MGMT: variants seen among roughly 807,000 people sequenced by gnomAD.
MGMT encodes the protein methylated-DNA--protein-cysteine methyltransferase.
In MGMT, 14 loss-of-function variants were observed where a neutral mutation model predicts 15.9. The observed-to-expected ratio is 0.88, with a 90% CI of 0.58 to 1.37. The LOEUF is 1.37. MGMT is among the 40% of genes most tolerant of loss of function. MGMT has a pLI of 0.00. For missense variants in MGMT, 282 were observed against 268.1 expected, an observed-to-expected ratio of 1.05 and a Z score of -0.36; for synonymous variants, 130 against 118.2, an observed-to-expected ratio of 1.10 and a Z score of -0.65.
At chr10:129,702,434 T>C (rs937183250) in intron 2 of MGMT, among the ~76,000 whole-genome samples, 3 of 152,188 alleles carry the variant, frequency 2.0e-5, no homozygotes, top group Non-Finnish European at 4.4e-5. Flanking sequence ...GATTATTCTG[T>C]GGGTGACACG....
chr10:129,661,241 G>A (rs1847594078), intron 2 of MGMT, among the ~76,000 whole-genome samples: 1 of 151,212 alleles, frequency 6.6e-6, no homozygotes, highest in African/African-American at 2.4e-5. Context: ...ATGGTGTTAT[G>A]AACATTTGTG....
chr10:129,731,912 T>C (rs75207538), intron 3 of MGMT, among the ~76,000 whole-genome samples: 2,383 of 152,248 alleles, frequency 0.016, 60 homozygotes, highest in African/African-American at 0.055. Context: ...TCCGTTGTGT[T>C]GTCACATCAC....
At chr10:129,655,794 C>T (rs1847518735) in intron 2 of MGMT, among the ~76,000 whole-genome samples, 1 of 152,204 alleles carries the variant, frequency 6.6e-6, no homozygotes, top group African/African-American at 2.4e-5. Context: ...TCTTCATGCT[C>T]ATGCTCTCTA....
At chr10:129,734,172 T>C (rs1009706653) in intron 3 of MGMT, among the ~76,000 whole-genome samples, 8 of 149,564 alleles carry the variant, frequency 5.3e-5, no homozygotes, top group Middle Eastern at 3.5e-3. Flanking sequence ...TTTCACGATA[T>C]TGATTCTTCC....
chr10:129,628,182 C>T (rs1289488042), intron 2 of MGMT, among the ~76,000 whole-genome samples: 3 of 152,134 alleles, frequency 2.0e-5, no homozygotes, highest in South Asian at 2.1e-4. Context: ...GTAGAAATAC[C>T]GCCTTCCTTT....
At chr10:129,628,677 G>A (rs1847177969) in intron 2 of MGMT, among the ~76,000 whole-genome samples, 1 of 152,190 alleles carries the variant, frequency 6.6e-6, no homozygotes, top group Non-Finnish European at 1.5e-5. Context: ...CTGCGTGTTG[G>A]GCTCAAACGC....
chr10:129,688,727 G>A (rs990851572), intron 2 of MGMT, among the ~76,000 whole-genome samples: 2 of 152,060 alleles, frequency 1.3e-5, no homozygotes, highest in Non-Finnish European at 2.9e-5. Flanking sequence ...CAAAAGCAAT[G>A]GCAACAAAAG....
chr10:129,718,180 G>A (rs748186215), intron 3 of MGMT, among the ~76,000 whole-genome samples: 3 of 152,178 alleles, frequency 2.0e-5, no homozygotes, highest in East Asian at 1.9e-4. Context: ...TGATTTACAC[G>A]ACCAGAGCTA....
chr10:129,675,983 A>G (rs7071424), intron 2 of MGMT, among the ~76,000 whole-genome samples: 29,125 of 152,102 alleles, frequency 0.19, 3,107 homozygotes, highest in African/African-American at 0.26. Flanking sequence ...ATGTGTCACC[A>G]TTGAGTAGCT....
Position 129,629,381 on chromosome 10 carries a change from G to C in MGMT, c.126-78514G>C, listed in dbSNP as rs527324338. On this transcript the variant is annotated intron_variant, in intron 2 of 4. Coordinates refer to ENST00000651593, the MANE Select transcript of MGMT (RefSeq NM_002412.5). ...ACACTGGGGATGTGCTGTGTGTATT[G>C]TATGAGTGTATCATAGAATATTTCA... 2.6e-5 allele frequency among the ~76,000 whole-genome samples: 4 copies of C among 152,222 alleles called. No homozygotes were observed. The South Asian group carries it at 8.3e-4, about 32-fold the overall frequency.
chr10:129,518,105 C>G (rs1845759310), intron 1 of MGMT, among the ~76,000 whole-genome samples: 1 of 151,988 alleles, frequency 6.6e-6, no homozygotes, highest in Admixed American at 6.5e-5. Flanking sequence ...GGGCACCACT[C>G]TCACATGGTC....
intron 2 of MGMT, among the ~76,000 whole-genome samples, chr10:129,540,888 A>C (rs1157576620): frequency 6.6e-6 from 1 of 152,116 alleles, no homozygotes; most frequent in Non-Finnish European, 1.5e-5. Context: ...GGGTGCTCCC[A>C]CCTGGAGCCA....
chr10:129,742,479 C>G (rs1848646191), intron 3 of MGMT, among the ~76,000 whole-genome samples: 1 of 151,328 alleles, frequency 6.6e-6, no homozygotes, highest in Non-Finnish European at 1.5e-5. Context: ...CAGTGCCCCA[C>G]TACCATAGCA....
chr10:129,517,868 C>G (rs1028869720), intron 1 of MGMT, among the ~76,000 whole-genome samples: 2 of 152,234 alleles, frequency 1.3e-5, no homozygotes, highest in African/African-American at 4.8e-5. Context: ...TGAGTATTCT[C>G]CTTTGGGTTT....
chr10:129,697,588 G>A (rs1283278814), intron 2 of MGMT, among the ~76,000 whole-genome samples: 1 of 152,204 alleles, frequency 6.6e-6, no homozygotes, highest in African/African-American at 2.4e-5. Context: ...GCACATGTTA[G>A]GCACTCAGTA....
At chr10:129,590,311 C>A (rs1846667817) in intron 2 of MGMT, among the ~76,000 whole-genome samples, 1 of 152,112 alleles carries the variant, frequency 6.6e-6, no homozygotes, top group Non-Finnish European at 1.5e-5. Flanking sequence ...TTTAGTAAAC[C>A]AAGATGTGCT....
At chr10:129,616,895 G>C (rs878995190) in intron 2 of MGMT, among the ~76,000 whole-genome samples, 1 of 152,098 alleles carries the variant, frequency 6.6e-6, no homozygotes, top group Non-Finnish European at 1.5e-5. Context: ...ATGGTCACTC[G>C]CTTGACGAGC....
At chr10:129,502,019 G>A (rs1325211803) in intron 1 of MGMT, among the ~76,000 whole-genome samples, 1 of 152,232 alleles carries the variant, frequency 6.6e-6, no homozygotes, top group Non-Finnish European at 1.5e-5. Flanking sequence ...GGATGGGATG[G>A]GCGCAGCCTG....
chr10:129,658,277 CTAT>C (rs963767344), intron 2 of MGMT, among the ~76,000 whole-genome samples: 5 of 152,242 alleles, frequency 3.3e-5, no homozygotes, highest in Non-Finnish European at 7.4e-5. Flanking sequence ...TAACACAGCT[CTAT>C]TATTGACTAA....
Sources: gnomAD v4.1 joint callset for allele counts (sites outside exome capture counted in the v4.1 genomes callset) on GRCh38, gnomAD v4.1.1 for gene constraint, MANE v1.5 for transcripts, NCBI Gene and HGNC (gene_info 2026-07-23, HGNC 2026-07-21) for gene names.